ERC2: variants seen among roughly 807,000 people sequenced by gnomAD.
The protein encoded by ERC2 is ELKS/RAB6-interacting/CAST family member 2.
Under a neutral mutation model 114.8 loss-of-function variants are expected in ERC2, and 42 were observed. That is an observed-to-expected ratio of 0.37 (90% CI 0.29 to 0.47). The LOEUF is 0.47. ERC2 is among the 20% of genes least tolerant of loss of function. The probability of loss-of-function intolerance (pLI) is 0.99; values close to 1 mark genes in which losing one functional copy is unlikely to be tolerated. For missense variants in ERC2, 939 were observed against 1,150.7 expected (o/e 0.82, Z 2.66); for synonymous variants, 454 against 425.5 (o/e 1.07, Z -0.82).
intron 17 of ERC2, among the ~76,000 whole-genome samples, chr3:55,651,572 T>C (rs2060624554): frequency 6.6e-6 from 1 of 152,178 alleles, no homozygotes; most frequent in Non-Finnish European, 1.5e-5. Context: ...TTTATCTCTT[T>C]AGTTTATGAA....
chr3:56,312,990 A>G (rs1214673993), intron 2 of ERC2, among the ~76,000 whole-genome samples: 5 of 113,728 alleles, frequency 4.4e-5, no homozygotes, highest in African/African-American at 1.6e-4. Flanking sequence ...TATTTAGTGA[A>G]TATGTATATT....
At chr3:55,532,862 C>G (rs1455619527) in intron 17 of ERC2, among the ~76,000 whole-genome samples, 1 of 152,190 alleles carries the variant, frequency 6.6e-6, no homozygotes, top group Non-Finnish European at 1.5e-5. Flanking sequence ...GAGCCTGACC[C>G]AAGGCTGGGT....
At chr3:55,850,845 A>AACACAC (rs61573924) in intron 14 of ERC2, among the ~76,000 whole-genome samples, 16,615 of 125,786 alleles carry the variant, frequency 0.13, 1,548 homozygotes, top group African/African-American at 0.22. Flanking sequence ...CTCTTTTTCA[A>AACACAC]ACACACACAC....
Position 56,370,981 on chromosome 3 carries a change from T to A in ERC2, c.657+63370A>T, listed in dbSNP as rs151236462. ...GGTCATAATGTTACTTATTGTGTTCTATATGGAGCCTTAAATGCTTCTGCA... is the reference window on the plus strand; with the variant it reads ...GGTCATAATGTTACTTATTGTGTTCAATATGGAGCCTTAAATGCTTCTGCA... On this transcript the variant is annotated intron_variant, in intron 2 of 17. Transcript: ENST00000288221. 3.3e-3 allele frequency among the ~76,000 whole-genome samples: 499 copies of A among 152,358 alleles called. 4 individuals carry two copies. Among genetic ancestry groups the A allele is most frequent in the African/African-American group, 6.1e-3 (253 of 41,584 alleles).
chr3:55,977,851 T>A (rs1420666721), intron 12 of ERC2, among the ~76,000 whole-genome samples: 2 of 152,126 alleles, frequency 1.3e-5, no homozygotes, highest in African/African-American at 4.8e-5. Context: ...CAGACTCAAT[T>A]AAATAGTATG....
chr3:56,378,619 T>A (rs895653210), intron 2 of ERC2, among the ~76,000 whole-genome samples: 1 of 150,770 alleles, frequency 6.6e-6, no homozygotes, highest in African/African-American at 2.4e-5. Flanking sequence ...GTTCTCAAGA[T>A]TGTGCTCTAG....
rs539319739 is a variant in ERC2 at position 55,964,045 on chromosome 3, T to C, written c.2268-13485A>G. ...TTTCCAAATTAGAGTATGGAAGTAA[T>C]GTGTTGGCGTTTATATTATTTGCTA... On this transcript the variant is annotated intron_variant, in intron 12 of 17. Transcript: ENST00000288221. Among the ~76,000 whole-genome samples the C allele has an allele frequency of 3.3e-5, 5 of 152,370 alleles. No homozygotes were observed. The South Asian group carries it at 8.3e-4, about 25-fold the overall frequency.
intron 1 of ERC2, among the ~76,000 whole-genome samples, chr3:56,446,951 CT>C (rs766037039): frequency 9.9e-5 from 15 of 152,122 alleles, no homozygotes; most frequent in Non-Finnish European, 1.8e-4. Context: ...AAGAAGGTTT[CT>C]GCTGCAAGCA....
chr3:55,746,379 A>T (rs1336420317), intron 14 of ERC2, among the ~76,000 whole-genome samples: 1 of 152,008 alleles, frequency 6.6e-6, no homozygotes, highest in Non-Finnish European at 1.5e-5. Flanking sequence ...GATTACAGGC[A>T]TGCACCACCA....
intron 12 of ERC2, among the ~76,000 whole-genome samples, chr3:55,984,734 T>C (rs1354362124): frequency 6.6e-6 from 1 of 152,174 alleles, no homozygotes; most frequent in Admixed American, 6.5e-5. Flanking sequence ...TCAGATCTCT[T>C]GGAACTTTTG....
chr3:56,369,891 G>T (rs1465617573), intron 2 of ERC2, among the ~76,000 whole-genome samples: 1 of 151,920 alleles, frequency 6.6e-6, no homozygotes, highest in African/African-American at 2.4e-5. Flanking sequence ...TGGCCAGGAT[G>T]GTCTCGATCT....
chr3:55,875,781 C>A (rs2062807446), intron 14 of ERC2, among the ~76,000 whole-genome samples: 1 of 151,940 alleles, frequency 6.6e-6, no homozygotes, highest in African/African-American at 2.4e-5. Flanking sequence ...CTGCCTCCTG[C>A]CCAAAAGTCA....
intron 5 of ERC2, among the ~76,000 whole-genome samples, chr3:56,141,858 C>A (rs2080875057): frequency 6.6e-6 from 1 of 152,058 alleles, no homozygotes; most frequent in South Asian, 2.1e-4. Flanking sequence ...TTGTAAGGAT[C>A]TTTTATTTAT....
chr3:55,559,515 C>T (rs1362650353), intron 17 of ERC2, among the ~76,000 whole-genome samples: 1 of 152,220 alleles, frequency 6.6e-6, no homozygotes, highest in Non-Finnish European at 1.5e-5. Context: ...TGCTACAAAT[C>T]AAATTAGTGA....
intron 2 of ERC2, among the ~76,000 whole-genome samples, chr3:56,374,230 G>A (rs2316897): frequency 0.41 from 63,049 of 151,944 alleles, 14,401 homozygotes; most frequent in East Asian, 0.63. Context: ...CTGAATAGCT[G>A]GGACTACAGG....
chr3:55,987,237 C>T (rs1413975800), intron 11 of ERC2, among the ~76,000 whole-genome samples: 2 of 152,230 alleles, frequency 1.3e-5, no homozygotes, highest in East Asian at 3.8e-4. Flanking sequence ...GACACGATCA[C>T]TGTGGGGACT....
chr3:55,814,124 C>G (rs768607339), intron 14 of ERC2, among the ~76,000 whole-genome samples: 5 of 152,122 alleles, frequency 3.3e-5, no homozygotes, highest in Admixed American at 2.6e-4. Context: ...GAATGAAAAA[C>G]AAAAATCTAA....
At chr3:56,210,045 G>A (rs1025989950) in intron 3 of ERC2, among the ~76,000 whole-genome samples, 2 of 152,116 alleles carry the variant, frequency 1.3e-5, no homozygotes, top group Admixed American at 6.5e-5. Flanking sequence ...TATCATCAGT[G>A]GGAGATATGT....
chr3:56,433,035 GGCTGTGGT>G (rs1369186390), intron 2 of ERC2, among the ~76,000 whole-genome samples: 1 of 152,038 alleles, frequency 6.6e-6, no homozygotes, highest in Non-Finnish European at 1.5e-5. Context: ...TTAATCGGCA[GGCTGTGGT>G]GATATGTGCC....
Sources: allele counts gnomAD v4.1 joint callset (sites outside exome capture counted in the v4.1 genomes callset), GRCh38; gene constraint gnomAD v4.1.1; transcripts MANE v1.5; gene names NCBI Gene and HGNC (gene_info 2026-07-23, HGNC 2026-07-21).